KCTD7: variants seen among roughly 807,000 people sequenced by gnomAD.
KCTD7 encodes potassium channel tetramerization domain containing 7, also known as BTB/POZ domain-containing protein KCTD7.
A neutral mutation model predicts 27.0 loss-of-function variants in KCTD7; 15 were observed. The ratio of observed to expected loss-of-function variants is 0.56; its 90% CI spans 0.37 to 0.86. The LOEUF (loss-of-function observed/expected upper bound fraction) is 0.86, where lower values mean the gene tolerates loss of function less well. KCTD7 is among the 40% of genes least tolerant of loss of function. KCTD7 has a pLI of 0.00. For missense variants in KCTD7, 299 were observed against 398.9 expected, an observed-to-expected ratio of 0.75 and a Z score of 2.13; for synonymous variants, 159 against 162.7, an observed-to-expected ratio of 0.98 and a Z score of 0.17.
Position 66,638,994 on chromosome 7 carries a change from G to T in KCTD7, c.632G>T (p.Arg211Leu), listed in dbSNP as rs376332394. The change falls in exon 4 of 4, where the codon CGA becomes CTA. Residue 211 changes from arginine to leucine, a missense_variant. By Grantham distance (102) the Arg-to-Leu change is moderately radical (BLOSUM62 -2). Coordinates refer to ENST00000639828, the MANE Select transcript of KCTD7 (RefSeq NM_153033.5). Reference protein sequence around the residue: ...PYECPLLNSLRFERSESDGQL... With the variant: ...PYECPLLNSLLFERSESDGQL... ...GAGTGTCCGCTCCTCAACTCCCTGC[G>T]ATTTGAGCGGAGTGAGAGTGACGGG... 1 of 1,614,084 alleles carries T rather than the reference G, an allele frequency of 6.2e-7. No homozygotes were observed. Among genetic ancestry groups the T allele is most frequent in the African/African-American group, 1.3e-5 (1 of 74,932 alleles).
At chr7:66,638,631 T>A in intron 3 of KCTD7, 200 bp downstream of exon 3, 1 of 772,028 alleles carries the variant, frequency 1.3e-6, no homozygotes, top group Admixed American at 2.7e-5. Flanking sequence ...GTTAGCAAAT[T>A]GTATTTCAGA....
chr7:66,640,454 G>A lies in KCTD7; in HGVS notation c.*1222G>A, dbSNP rs559730451. 5.7e-5 allele frequency: 87 copies of A among 1,537,078 alleles called. 1 individual carries two copies. In the South Asian group the frequency reaches 9.8e-4, roughly 17 times the overall value. On this transcript the variant is annotated 3_prime_UTR_variant, in exon 4 of 4. Transcript: ENST00000639828. The stretch of plus-strand genomic sequence containing the variant: ...GCATTTCCTTCTTGCTCTGTCTACA[G>A]CCTAGGCCAACTAGTCAGGGTCTGG...
In KCTD7 at chr7:66,640,294, T is replaced by G. The variant is rs1165119119; in HGVS notation, c.*1062T>G. 6.6e-7 allele frequency: 1 copy of G among 1,524,674 alleles called. No individual in the cohort carries two copies. Among genetic ancestry groups the G allele is most frequent in the East Asian group, 2.5e-5 (1 of 40,814 alleles). The allele number at this position is 1,524,674 out of a possible 1,614,324, so 94.4% of individuals were successfully genotyped here. ...GTAGGAAGACAAAACTTCCCTTTTG[T>G]TTTACTCCTCACTCCTCTATTTTTG... On this transcript the variant is annotated 3_prime_UTR_variant, in exon 4 of 4. Transcript: ENST00000639828.
At chr7:66,634,203 TATCTATCTATC>T (rs1490989132) in intron 2 of KCTD7, among the ~76,000 whole-genome samples, 1 of 139,036 alleles carries the variant, frequency 7.2e-6, no homozygotes, top group East Asian at 2.3e-4. Flanking sequence ...TCTATCTATC[TATCTATCTATC>T]TATCTATCTA....
chr7:66,641,492 T>G lies in KCTD7; in HGVS notation c.*2260T>G. On this transcript the variant is annotated 3_prime_UTR_variant, in exon 4 of 4. Transcript: ENST00000639828. ...AGAGACTTGTTTGCTCAAATGCAAG[T>G]TTGCTCAAAAACAGGTCCTGAAGGC... 1 of 985,370 alleles carries G rather than the reference T, an allele frequency of 1.0e-6. No individual in the cohort carries two copies. 61.0% of individuals were successfully genotyped at this position (985,370 alleles called of 1,614,324 possible). A position where few individuals can be genotyped will look rare whatever the true frequency, so the allele number is the denominator to read the frequency against.
chr7:66,641,357 C>T lies in KCTD7; in HGVS notation c.*2125C>T. On this transcript the variant is annotated 3_prime_UTR_variant, in exon 4 of 4. Transcript: ENST00000639828. ...AAGTCTGTGTGAACAGAGAGCAGTT[C>T]ATTAAGCCCATTGCTTTCAGTAATG... The T allele has an allele frequency of 6.1e-6, 6 of 985,414 alleles. No individual in the cohort carries two copies. The highest frequency in any genetic ancestry group is 6.0e-6 in the Non-Finnish European group (5 of 829,940). The allele number at this position is 985,414 out of a possible 1,614,324, so 61.0% of individuals were successfully genotyped here. A position where few individuals can be genotyped will look rare whatever the true frequency, so the allele number is the denominator to read the frequency against.
At chr7:66,634,365 G>A (rs1051982296) in intron 2 of KCTD7, among the ~76,000 whole-genome samples, 14 of 150,498 alleles carry the variant, frequency 9.3e-5, no homozygotes, top group African/African-American at 3.2e-4. Context: ...TTTTTTTTTC[G>A]GGGGCTGTTT....
Position 66,640,639 on chromosome 7 carries a change from A to G in KCTD7, c.*1407A>G. 1 of 1,365,882 alleles carries G rather than the reference A, an allele frequency of 7.3e-7. No individual in the cohort carries two copies. The highest frequency in any genetic ancestry group is 9.4e-7 in the Non-Finnish European group (1 of 1,060,928). The allele number at this position is 1,365,882 out of a possible 1,614,324, so 84.6% of individuals were successfully genotyped here. A position where few individuals can be genotyped will look rare whatever the true frequency, so the allele number is the denominator to read the frequency against. Reference sequence around the variant, plus strand: ...AATGTGTAAAGAATTGATGCGAGCCAGGAACATGTCTGTAGTCCCAGCTAC... The same window carrying G: ...AATGTGTAAAGAATTGATGCGAGCCGGGAACATGTCTGTAGTCCCAGCTAC... On this transcript the variant is annotated 3_prime_UTR_variant, in exon 4 of 4. Coordinates refer to ENST00000639828, the MANE Select transcript of KCTD7 (RefSeq NM_153033.5).
chr7:66,632,806 G>A (rs1584395417), intron 1 of KCTD7, among the ~76,000 whole-genome samples: 2 of 151,986 alleles, frequency 1.3e-5, no homozygotes, highest in East Asian at 3.9e-4. Flanking sequence ...CACTTTGGGA[G>A]GCCGAGGCAG....
At chr7:66,634,108 G>A (rs1474348962) in intron 2 of KCTD7, among the ~76,000 whole-genome samples, 8 of 85,846 alleles carry the variant, frequency 9.3e-5, no homozygotes, top group Non-Finnish European at 1.5e-4. Context: ...ATGGGTGTGT[G>A]TATACATATA....
rs1272007065 is a variant in KCTD7, at chr7:66,642,886, C to T, written c.*3654C>T. On this transcript the variant is annotated 3_prime_UTR_variant, in exon 4 of 4. Transcript: ENST00000639828. Reference sequence around the variant, plus strand: ...TGAGTATGGGAACAGGCAGTCACCTCGAGTGTGGGAGGTCACCTGGGTCCG... The same window carrying T: ...TGAGTATGGGAACAGGCAGTCACCTTGAGTGTGGGAGGTCACCTGGGTCCG... 6 of 985,266 alleles carry T rather than the reference C, an allele frequency of 6.1e-6. No homozygotes were observed. The highest frequency in any genetic ancestry group is 7.2e-6 in the Non-Finnish European group (6 of 830,018). The allele number at this position is 985,266 out of a possible 1,614,324, so 61.0% of individuals were successfully genotyped here.
chr7:66,629,269 G>C (rs893953846), intron 1 of KCTD7, 61 bp downstream of exon 1: 15 of 1,147,282 alleles, frequency 1.3e-5, no homozygotes, highest in South Asian at 3.5e-5. Context: ...AAGCGGGCGC[G>C]GGGCATAGCG....
chr7:66,640,580 G>GTC lies in KCTD7; in HGVS notation c.*1352_*1353dup, dbSNP rs1315511642. The GTC allele has an allele frequency of 7.1e-7, 1 of 1,406,354 alleles. No individual in the cohort carries two copies. Among genetic ancestry groups the GTC allele is most frequent in the Non-Finnish European group, 9.2e-7 (1 of 1,085,314 alleles). 87.1% of individuals were successfully genotyped at this position (1,406,354 alleles called of 1,614,324 possible). A position where few individuals can be genotyped will look rare whatever the true frequency, so the allele number is the denominator to read the frequency against. On this transcript the variant is annotated 3_prime_UTR_variant, in exon 4 of 4. Transcript: ENST00000639828. ...TCTCTCTCTAATCATGATTGTACCT[G>GTC]TCTCTTCCTGGGTAAAGGGAGATTT...
chr7:66,632,215 T>C (rs554968646), intron 1 of KCTD7, among the ~76,000 whole-genome samples: 9 of 149,472 alleles, frequency 6.0e-5, no homozygotes, highest in East Asian at 4.0e-4. Context: ...AGGCCGGGCG[T>C]GGTGGCTCAC....
intron 2 of KCTD7, among the ~76,000 whole-genome samples, chr7:66,636,237 TTGTCATCAGCTTGC>T (rs1307677687): frequency 2.6e-5 from 4 of 151,860 alleles, no homozygotes; most frequent in African/African-American, 7.3e-5. Context: ...TCGTTCCCCA[TTGTCATCAGCTTGC>T]TGCACTCTGG....
Position 66,641,740 on chromosome 7 carries a change from C to T in KCTD7, c.*2508C>T. The T allele has an allele frequency of 1.0e-6, 1 of 985,408 alleles. No individual in the cohort carries two copies. The highest frequency in any genetic ancestry group is 1.2e-6 in the Non-Finnish European group (1 of 829,926). 61.0% of individuals were successfully genotyped at this position (985,408 alleles called of 1,614,324 possible). ...AAGGAATTCAGTGGCCTAGTTTCGC[C>T]ATTCTCTAATGAGAAACCAAGGCCA... On this transcript the variant is annotated 3_prime_UTR_variant, in exon 4 of 4. Transcript: ENST00000639828.
chr7:66,639,543 C>T lies in KCTD7; in HGVS notation c.*311C>T. 1.5e-6 allele frequency: 2 copies of T among 1,369,562 alleles called. No individual in the cohort carries two copies. The highest frequency in any genetic ancestry group is 3.0e-5 in the East Asian group (1 of 33,886). The allele number at this position is 1,369,562 out of a possible 1,614,324, so 84.8% of individuals were successfully genotyped here. A position where few individuals can be genotyped will look rare whatever the true frequency, so the allele number is the denominator to read the frequency against. On this transcript the variant is annotated 3_prime_UTR_variant, in exon 4 of 4. Transcript: ENST00000639828. The stretch of plus-strand genomic sequence containing the variant: ...CAGGAAGTCCCGAGAAGTTTTGTCA[C>T]CTTCTTGACCTTGCAAGAGAGTTTC...
chr7:66,639,307 A>G lies in KCTD7; in HGVS notation c.*75A>G. 6.3e-7 allele frequency: 1 copy of G among 1,597,816 alleles called. No homozygotes were observed. Among genetic ancestry groups the G allele is most frequent in the South Asian group, 1.1e-5 (1 of 90,440 alleles). On this transcript the variant is annotated 3_prime_UTR_variant, in exon 4 of 4. Coordinates refer to ENST00000639828, the MANE Select transcript of KCTD7 (RefSeq NM_153033.5). The stretch of plus-strand genomic sequence containing the variant: ...GGTGGCTCTGGGAGTAAGATCCCTG[A>G]AGGGGCTGCTGACTGCCCCAGAATC...
At chr7:66,637,412 C>A (rs919600073) in intron 2 of KCTD7, among the ~76,000 whole-genome samples, 2 of 152,068 alleles carry the variant, frequency 1.3e-5, no homozygotes, top group African/African-American at 4.8e-5. Context: ...GAATGTTCAT[C>A]CCAGCTTTAC....
Sources: allele counts gnomAD v4.1 joint callset (sites outside exome capture counted in the v4.1 genomes callset), GRCh38; gene constraint gnomAD v4.1.1; transcripts MANE v1.5; gene names NCBI Gene and HGNC (gene_info 2026-07-23, HGNC 2026-07-21).